Variants in CHST9 observed in about 807,000 individuals in gnomAD.
CHST9 encodes carbohydrate sulfotransferase 9.
In CHST9, 41 loss-of-function variants were observed where a neutral mutation model predicts 44.4. That is an observed-to-expected ratio of 0.92 (90% CI 0.72 to 1.20). The LOEUF is 1.20. CHST9 is among the 50% of genes most tolerant of loss of function. The probability of loss-of-function intolerance (pLI) is 0.00; values close to 1 mark genes in which losing one functional copy is unlikely to be tolerated. For synonymous variants in CHST9, 171 were observed against 178.4 expected (o/e 0.96, Z 0.33); for missense variants, 504 against 516.5 (o/e 0.98, Z 0.23).
At position 26,948,778 on chromosome 18, in the gene CHST9, T is replaced by A. The variant is rs544578509; in HGVS notation, c.203-4412A>T. 4.8e-4 allele frequency among the ~76,000 whole-genome samples: 73 copies of A among 152,184 alleles called. 1 individual carries two copies. The South Asian group carries it at 0.014, about 29-fold the overall frequency. On this transcript the variant is annotated intron_variant, in intron 4 of 5. Coordinates refer to ENST00000618847, the MANE Select transcript of CHST9 (RefSeq NM_031422.6). ...CCAAATTTGTGAGGATTGAATGAAA[T>A]AAGAACGAATTTTGCAGGTAAAGGA...
rs552613746 is a variant in CHST9, at chr18:27,006,210, G to A, written c.202+17906C>T. ...AGATCTCAGTCTGTGCCCTAAGAGA[G>A]GAGGTCCACTGCTCTAGGCTTTATT... On this transcript the variant is annotated intron_variant, in intron 4 of 5. Transcript: ENST00000618847. Among the ~76,000 whole-genome samples the A allele has an allele frequency of 1.1e-3, 171 of 152,252 alleles. 1 individual carries two copies. The highest frequency in any genetic ancestry group is 1.9e-3 in the Non-Finnish European group (128 of 68,024).
chr18:26,961,940 T>C (rs1185398400), intron 4 of CHST9, among the ~76,000 whole-genome samples: 1 of 152,122 alleles, frequency 6.6e-6, no homozygotes, highest in East Asian at 1.9e-4. Flanking sequence ...GGCTGGCTAC[T>C]GGAAATACAA....
At chr18:27,138,824 A>G (rs1248482930) in intron 2 of CHST9, among the ~76,000 whole-genome samples, 3 of 152,190 alleles carry the variant, frequency 2.0e-5, no homozygotes, top group African/African-American at 7.2e-5. Flanking sequence ...GCTAACAAAC[A>G]GGAGATCTGA....
At chr18:27,034,145 A>G (rs2057368091) in intron 3 of CHST9, among the ~76,000 whole-genome samples, 1 of 152,204 alleles carries the variant, frequency 6.6e-6, no homozygotes, top group Non-Finnish European at 1.5e-5. Flanking sequence ...ATCTCCTTTT[A>G]TCCTCAGCCC....
At chr18:26,961,492 C>G (rs930589449) in intron 4 of CHST9, among the ~76,000 whole-genome samples, 3 of 151,864 alleles carry the variant, frequency 2.0e-5, no homozygotes, top group Non-Finnish European at 4.4e-5. Context: ...TGCAATGGTG[C>G]AATCATAGCT....
chr18:26,926,270 T>G (rs1383475860), intron 5 of CHST9, among the ~76,000 whole-genome samples: 2 of 152,220 alleles, frequency 1.3e-5, no homozygotes, highest in East Asian at 3.9e-4. Flanking sequence ...GATTCAAGGA[T>G]TGAAACTATG....
chr18:26,993,122 A>T (rs2145211599), intron 4 of CHST9, among the ~76,000 whole-genome samples: 1 of 152,260 alleles, frequency 6.6e-6, no homozygotes, highest in South Asian at 2.1e-4. Flanking sequence ...AGTGGGAGGG[A>T]CACGTTATGG....
intron 2 of CHST9, among the ~76,000 whole-genome samples, chr18:27,097,926 T>C (rs2058133425): frequency 6.6e-6 from 1 of 152,174 alleles, no homozygotes; most frequent in Admixed American, 6.5e-5. Flanking sequence ...GTCTTTGTTC[T>C]GTTCCACTGG....
At position 27,149,884 on chromosome 18, in the gene CHST9, A is replaced by G. The variant is rs368880497; in HGVS notation, c.-96-6979T>C. On this transcript the variant is annotated intron_variant, in intron 1 of 5. Coordinates refer to ENST00000618847, the MANE Select transcript of CHST9 (RefSeq NM_031422.6). ...CTACTTATTTCATATTCACTTGTTCAAGTTTCATTTTTCTTTGCTTTTCAA... is the reference window on the plus strand; with the variant it reads ...CTACTTATTTCATATTCACTTGTTCGAGTTTCATTTTTCTTTGCTTTTCAA... 2.0e-5 allele frequency among the ~76,000 whole-genome samples: 3 copies of G among 151,840 alleles called. No homozygotes were observed. The South Asian group carries it at 6.2e-4, about 32-fold the overall frequency.
intron 2 of CHST9, among the ~76,000 whole-genome samples, chr18:27,062,522 T>C (rs1388241960): frequency 1.3e-5 from 2 of 152,230 alleles, no homozygotes; most frequent in East Asian, 3.8e-4. Context: ...TAGTATTCCA[T>C]GGTGTATATG....
At chr18:27,018,681 T>C (rs559770866) in intron 4 of CHST9, among the ~76,000 whole-genome samples, 3 of 152,318 alleles carry the variant, frequency 2.0e-5, no homozygotes, top group African/African-American at 7.2e-5. Context: ...TGTTCATCAA[T>C]TCTTATAAGA....
intron 5 of CHST9, among the ~76,000 whole-genome samples, chr18:26,937,988 A>G (rs2056023901): frequency 6.6e-6 from 1 of 152,170 alleles, no homozygotes; most frequent in South Asian, 2.1e-4. Flanking sequence ...GATTAGCACA[A>G]TTATTGATGG....
chr18:27,056,782 G>A (rs2057661409), intron 2 of CHST9, among the ~76,000 whole-genome samples: 1 of 152,094 alleles, frequency 6.6e-6, no homozygotes, highest in African/African-American at 2.4e-5. Context: ...ATATTATAAA[G>A]TTGAGACTTT....
At chr18:26,938,389 A>C (rs2056030770) in intron 5 of CHST9, among the ~76,000 whole-genome samples, 1 of 152,164 alleles carries the variant, frequency 6.6e-6, no homozygotes, top group African/African-American at 2.4e-5. Context: ...CGTAAATTGG[A>C]TAGCTTTTCT....
At chr18:27,019,689 C>CAAAAAAAAAAAAAAAA (rs60043018) in intron 4 of CHST9, among the ~76,000 whole-genome samples, 3 of 91,312 alleles carry the variant, frequency 3.3e-5, no homozygotes, top group Admixed American at 2.5e-4. Context: ...CACTACATGG[C>CAAAAAAAAAAAAAAAA]AAAAAAAAAA....
intron 2 of CHST9, among the ~76,000 whole-genome samples, chr18:27,063,957 G>A (rs2057753854): frequency 6.6e-6 from 1 of 152,044 alleles, no homozygotes; most frequent in Admixed American, 6.6e-5. Context: ...CTGGAAGGAG[G>A]AGAAGCCAAT....
At chr18:27,105,629 T>G (rs2058214532) in intron 2 of CHST9, among the ~76,000 whole-genome samples, 1 of 152,200 alleles carries the variant, frequency 6.6e-6, no homozygotes, top group South Asian at 2.1e-4. Flanking sequence ...CTCTTTCAAG[T>G]CCTGCAAGGG....
At chr18:26,940,049 T>A (rs1487666266) in intron 5 of CHST9, among the ~76,000 whole-genome samples, 2 of 152,096 alleles carry the variant, frequency 1.3e-5, no homozygotes, top group Non-Finnish European at 2.9e-5. Context: ...AACTAAAGCA[T>A]CCCTTCTTTC....
intron 1 of CHST9, among the ~76,000 whole-genome samples, chr18:27,150,429 T>C (rs976274830): frequency 4.6e-5 from 7 of 152,196 alleles, no homozygotes; most frequent in African/African-American, 1.7e-4. Flanking sequence ...GGGGCATAGA[T>C]TGGCACCTTA....
Sources: gnomAD v4.1 joint callset for allele counts (sites outside exome capture counted in the v4.1 genomes callset) on GRCh38, gnomAD v4.1.1 for gene constraint, MANE v1.5 for transcripts, NCBI Gene and HGNC (gene_info 2026-07-23, HGNC 2026-07-21) for gene names.